The following UBA6 variants were observed in gnomAD, a reference collection of about 807,000 sequenced individuals.
The protein encoded by UBA6 is ubiquitin like modifier activating enzyme 6.
Under a neutral mutation model 148.3 loss-of-function variants are expected in UBA6, and 87 were observed. The ratio of observed to expected loss-of-function variants is 0.59; its 90% confidence interval spans 0.49 to 0.70. The LOEUF (loss-of-function observed/expected upper bound fraction) is 0.70, where lower values mean the gene tolerates loss of function less well. Ranked by LOEUF, UBA6 falls within the 30% of genes least tolerant of loss-of-function variation. The probability of loss-of-function intolerance (pLI) is 0.00; values close to 1 mark genes in which losing one functional copy is unlikely to be tolerated. For missense variants in UBA6, 1,186 were observed against 1,241.2 expected (o/e 0.96, Z 0.67); for synonymous variants, 376 against 401.0 (o/e 0.94, Z 0.75).
At chr4:67,637,212 C>T (rs1434939068) in intron 19 of UBA6, among the ~76,000 whole-genome samples, 5 of 151,232 alleles carry the variant, frequency 3.3e-5, no homozygotes, top group Non-Finnish European at 5.9e-5. Flanking sequence ...CCGCCCCGTC[C>T]GGGAGGGAGG....
intron 13 of UBA6, among the ~76,000 whole-genome samples, chr4:67,649,881 C>A (rs1236929331): frequency 6.6e-6 from 1 of 152,094 alleles, no homozygotes; most frequent in Non-Finnish European, 1.5e-5. Context: ...CATTAGTAAT[C>A]TTAATTTTAT....
At chr4:67,677,436 A>G (rs1273581250) in intron 6 of UBA6, among the ~76,000 whole-genome samples, 175 bp downstream of exon 6, 1 of 152,228 alleles carries the variant, frequency 6.6e-6, no homozygotes, top group African/African-American at 2.4e-5. Context: ...AGTAGTTCTT[A>G]GGTCCCTTCC....
intron 7 of UBA6, among the ~76,000 whole-genome samples, chr4:67,673,152 T>G (rs1405711910): frequency 6.6e-6 from 1 of 152,078 alleles, no homozygotes. Flanking sequence ...AAAATCACCA[T>G]CATAACGACA....
intron 8 of UBA6, among the ~76,000 whole-genome samples, chr4:67,669,405 T>C (rs1312700115): frequency 6.6e-6 from 1 of 152,152 alleles, no homozygotes; most frequent in Non-Finnish European, 1.5e-5. Flanking sequence ...TGGGTCTCCA[T>C]CACCATGAGA....
intron 7 of UBA6, among the ~76,000 whole-genome samples, chr4:67,673,079 A>G (rs982207658): frequency 6.6e-6 from 1 of 152,198 alleles, no homozygotes. Context: ...TCTAGTGGCT[A>G]TAACTGTCTC....
chr4:67,635,059 A>G (rs1277868328), intron 20 of UBA6, among the ~76,000 whole-genome samples: 2 of 150,056 alleles, frequency 1.3e-5, no homozygotes, highest in African/African-American at 4.9e-5. Context: ...ATTATAGAGT[A>G]CATTTTGCCT....
At chr4:67,688,042 G>GA (rs1332464998) in intron 2 of UBA6, among the ~76,000 whole-genome samples, 1 of 152,166 alleles carries the variant, frequency 6.6e-6, no homozygotes, top group African/African-American at 2.4e-5. Flanking sequence ...GAAGCTAGAG[G>GA]AAAGCGTTTC....
At position 67,663,213 on chromosome 4, in the gene UBA6, T is replaced by G; in HGVS notation, c.963A>C (p.Ala321=). The G allele has an allele frequency of 6.2e-7, 1 of 1,607,932 alleles. No homozygotes were observed. The highest frequency in any genetic ancestry group is 8.5e-7 in the Non-Finnish European group (1 of 1,177,380). Residue 321 remains alanine, a splice_region_variant and synonymous_variant, in exon 12 of 33, where the codon GCA becomes GCC. Transcript: ENST00000322244. ...CLIVDFSNPE[A]PLEIHTAMLA... ...GCATAGCTGTGTGAATCTCTAAAGGTGCCTATTGAGAACATTAAAAATCGG... is the reference window on the plus strand; with the variant it reads ...GCATAGCTGTGTGAATCTCTAAAGGGGCCTATTGAGAACATTAAAAATCGG...
At chr4:67,657,878 G>A (rs182645073) in intron 13 of UBA6, among the ~76,000 whole-genome samples, 1 of 150,908 alleles carries the variant, frequency 6.6e-6, no homozygotes, top group African/African-American at 2.4e-5. Context: ...TCAAAAAGTG[G>A]GCAAAGGATA....
intron 23 of UBA6, among the ~76,000 whole-genome samples, chr4:67,632,818 C>G (rs1318183780): frequency 6.6e-6 from 1 of 151,748 alleles, no homozygotes; most frequent in Non-Finnish European, 1.5e-5. Context: ...ATAGGGAAAC[C>G]CTGTTTTTTT....
intron 2 of UBA6, among the ~76,000 whole-genome samples, chr4:67,691,736 G>GT (rs1177097694): frequency 7.2e-5 from 11 of 152,084 alleles, no homozygotes; most frequent in Middle Eastern, 3.4e-3. Flanking sequence ...GTAGACTGAG[G>GT]TCTGCAGCTA....
In UBA6 at chr4:67,635,482, G is replaced by T; in HGVS notation, c.1813C>A (p.Pro605Thr). Residue 605 changes from proline (P) to threonine (T), a missense_variant, in exon 20 of 33, where the codon CCG becomes ACG. Pro to Thr is a conservative substitution (Grantham distance 38, BLOSUM62 -1). Coordinates refer to ENST00000322244, the MANE Select transcript of UBA6 (RefSeq NM_018227.6). ...GTKGHTEVIV[P>T]HLTESYNSHR... The stretch of plus-strand genomic sequence containing the variant: ...CTATTGTAAGACTCAGTCAAATGCG[G>T]TACAATAACTTCAGTGTGTCCCTTA... The T allele has an allele frequency of 6.2e-7, 1 of 1,609,486 alleles. No individual in the cohort carries two copies. The highest frequency in any genetic ancestry group is 8.5e-7 in the Non-Finnish European group (1 of 1,176,132).
intron 32 of UBA6, among the ~76,000 whole-genome samples, chr4:67,621,691 T>A (rs1728755226): frequency 6.6e-6 from 1 of 151,868 alleles, no homozygotes; most frequent in Non-Finnish European, 1.5e-5. Context: ...TCATCCCAGC[T>A]ATACTCGGGA....
intron 19 of UBA6, among the ~76,000 whole-genome samples, chr4:67,637,432 G>A (rs1729188051): frequency 6.6e-6 from 1 of 151,766 alleles, no homozygotes; most frequent in African/African-American, 2.4e-5. Context: ...CGTCTGGGAG[G>A]TGTACCCAAC....
intron 13 of UBA6, among the ~76,000 whole-genome samples, chr4:67,652,902 C>G (rs1279071020): frequency 6.6e-6 from 1 of 152,236 alleles, no homozygotes; most frequent in Non-Finnish European, 1.5e-5. Flanking sequence ...GGATCCCACG[C>G]CCATGGAGCC....
chr4:67,646,732 A>G lies in UBA6; in HGVS notation c.1308T>C (p.Phe436=), dbSNP rs748891195. ...AGAAATTTCATTATTACCGTGGGAG[A>G]AATTCTTCACATTCAGGTTTGCCTA... ...ESLGKPECEE[F]LPRGDRYDAL... Residue 436 remains phenylalanine (F), a synonymous_variant, in exon 15 of 33, where the codon TTT becomes TTC. Coordinates refer to ENST00000322244, the MANE Select transcript of UBA6 (RefSeq NM_018227.6). 2 of 1,605,094 alleles carry G rather than the reference A, an allele frequency of 1.2e-6. No individual in the cohort carries two copies. The highest frequency in any genetic ancestry group is 2.3e-5 in the East Asian group (1 of 44,312).
chr4:67,679,319 G>A (rs1730372320), intron 4 of UBA6, among the ~76,000 whole-genome samples: 1 of 151,946 alleles, frequency 6.6e-6, no homozygotes, highest in Non-Finnish European at 1.5e-5. Context: ...AGGAAACAAG[G>A]TAACAAGAAG....
At chr4:67,631,974 AAAATT>A in intron 23 of UBA6, 66 bp from the exon 24 acceptor site, 1 of 1,421,260 alleles carries the variant, frequency 7.0e-7, no homozygotes, top group Non-Finnish European at 9.6e-7. Flanking sequence ...ATTAAAAAAT[AAAATT>A]AAAAAATGTG....
At position 67,676,072 on chromosome 4, in the gene UBA6, G is replaced by A. The variant is rs572357180; in HGVS notation, c.465+1539C>T. Among the ~76,000 whole-genome samples the A allele has an allele frequency of 2.8e-5, 4 of 140,854 alleles. No individual in the cohort carries two copies. The Admixed American group carries it at 3.0e-4, about 11-fold the overall frequency. The allele number at this position is 140,854 out of a possible 152,430, so 92.4% of individuals were successfully genotyped here. On this transcript the variant is annotated intron_variant, in intron 6 of 32. Transcript: ENST00000322244. ...GAGTTTTGTTCTTGTTGCCCAGGCT[G>A]GAGTGCAGTGGCTCAATTTTGGCTC...
Sources: gnomAD v4.1 joint callset for allele counts (sites outside exome capture counted in the v4.1 genomes callset) on GRCh38, gnomAD v4.1.1 for gene constraint, MANE v1.5 for transcripts, NCBI Gene and HGNC (gene_info 2026-07-23, HGNC 2026-07-21) for gene names.